Variants in UBE3A observed in about 807,000 individuals in gnomAD.
UBE3A encodes ubiquitin-protein ligase E3A.
A neutral mutation model predicts 83.4 loss-of-function variants in UBE3A; 6 were observed. The observed-to-expected ratio is 0.07, with a 90% CI of 0.04 to 0.14. The LOEUF (loss-of-function observed/expected upper bound fraction) is 0.14. Among genes scored for constraint, UBE3A ranks in the 10% least tolerant of loss-of-function variants. UBE3A has a pLI of 1.00. For synonymous variants in UBE3A, 337 were observed against 355.4 expected, an observed-to-expected ratio of 0.95 and a Z score of 0.58; for missense variants, 456 against 1,036.1, an observed-to-expected ratio of 0.44 and a Z score of 7.69.
At chr15:25,369,088 C>G (rs575609726) in intron 6 of UBE3A, among the ~76,000 whole-genome samples, 72 of 152,096 alleles carry the variant, frequency 4.7e-4, no homozygotes, top group Non-Finnish European at 7.9e-4. Flanking sequence ...TTTCATAAAA[C>G]ATCACTCACA....
At position 25,364,769 on chromosome 15, in the gene UBE3A, G is replaced by T. The variant is rs548514471; in HGVS notation, c.1609-4242C>A. On this transcript the variant is annotated intron_variant, in intron 6 of 12. Transcript: ENST00000648336. ...TGCCATTCTCCTGCCTCAGCCTCCC[G>T]AGTAGCTGGGACTACAGGCGCCTGC... Among the ~76,000 whole-genome samples, 28 of 150,606 alleles carry T rather than the reference G, an allele frequency of 1.9e-4. No homozygotes were observed. In the East Asian group the frequency reaches 5.5e-3, roughly 30 times the overall value.
rs955501667 is a variant in UBE3A, at chr15:25,338,921, T to C, written c.*216A>G. ...ATAATAATAATAAAGGATTTGTTCA[T>C]ATATGTAGCTGAAATCTGCTGTTCC... On this transcript the variant is annotated 3_prime_UTR_variant, in exon 13 of 13. Transcript: ENST00000648336. 1 of 314,254 alleles carries C rather than the reference T, an allele frequency of 3.2e-6. No homozygotes were observed. Among genetic ancestry groups the C allele is most frequent in the Admixed American group, 4.6e-5 (1 of 21,736 alleles). The allele number at this position is 314,254 out of a possible 1,614,324, so 19.5% of individuals were successfully genotyped here.
intron 4 of UBE3A, among the ~76,000 whole-genome samples, chr15:25,377,694 G>A (rs1471525910): frequency 2.0e-5 from 3 of 152,168 alleles, no homozygotes; most frequent in South Asian, 2.1e-4. Context: ...CACGAATACC[G>A]TGTGAATGAG....
chr15:25,395,932 C>T (rs776291177), intron 4 of UBE3A, among the ~76,000 whole-genome samples: 1 of 152,216 alleles, frequency 6.6e-6, no homozygotes, highest in East Asian at 1.9e-4. Context: ...TGGTTGGGTG[C>T]GGTGGCTCAA....
chr15:25,359,784 C>T (rs1028570588), intron 7 of UBE3A, among the ~76,000 whole-genome samples: 2 of 152,150 alleles, frequency 1.3e-5, no homozygotes, highest in African/African-American at 2.4e-5. Flanking sequence ...TCTGATCCTT[C>T]ACTTTCAAAT....
intron 1 of UBE3A, among the ~76,000 whole-genome samples, chr15:25,436,648 T>C (rs889044227): frequency 5.3e-5 from 8 of 152,182 alleles, no homozygotes; most frequent in African/African-American, 1.7e-4. Context: ...AAAGACACTG[T>C]AGGTACCCAA....
At chr15:25,412,879 C>A in intron 1 of UBE3A, 1 of 287,082 alleles carries the variant, frequency 3.5e-6, no homozygotes, top group Non-Finnish European at 6.9e-6. Context: ...TCTAAAAATG[C>A]AACTACTTGG....
chr15:25,340,280 G>C (rs2074524901), intron 11 of UBE3A, 52 bp from the exon 12 acceptor site: 2 of 1,569,744 alleles, frequency 1.3e-6, no homozygotes, highest in Non-Finnish European at 1.7e-6. Flanking sequence ...ATTATGACTG[G>C]TACTAACATA....
chr15:25,421,424 G>A (rs1039486183), intron 1 of UBE3A, among the ~76,000 whole-genome samples: 7 of 152,070 alleles, frequency 4.6e-5, no homozygotes, highest in African/African-American at 9.7e-5. Flanking sequence ...ATGGCCTAAC[G>A]CAAGGACATT....
At chr15:25,413,436 T>C (rs944737859) in intron 1 of UBE3A, among the ~76,000 whole-genome samples, 7 of 152,162 alleles carry the variant, frequency 4.6e-5, no homozygotes, top group African/African-American at 1.4e-4. Context: ...GTTTATGGTG[T>C]CTTATATTTA....
At chr15:25,351,040 T>C (rs1286359873) in intron 11 of UBE3A, among the ~76,000 whole-genome samples, 1 of 152,208 alleles carries the variant, frequency 6.6e-6, no homozygotes, top group Non-Finnish European at 1.5e-5. Flanking sequence ...GGTATTTCAC[T>C]GTATTCAAAT....
At chr15:25,368,342 T>C (rs1452280307) in intron 6 of UBE3A, among the ~76,000 whole-genome samples, 1 of 152,112 alleles carries the variant, frequency 6.6e-6, no homozygotes, top group Non-Finnish European at 1.5e-5. Context: ...ATAAGACCTA[T>C]TTCGATGCTG....
At chr15:25,408,581 T>C (rs779617836) in intron 3 of UBE3A, 8 of 1,613,226 alleles carry the variant, frequency 5.0e-6, no homozygotes, top group Non-Finnish European at 5.1e-6. Flanking sequence ...CTAATCTGAA[T>C]ACTGCAGCAT....
chr15:25,395,731 T>C (rs1343436839), intron 4 of UBE3A, among the ~76,000 whole-genome samples: 2 of 152,062 alleles, frequency 1.3e-5, no homozygotes, highest in African/African-American at 2.4e-5. Flanking sequence ...AATAGAAGAG[T>C]TGTCAATAGA....
In UBE3A at chr15:25,370,532, A is replaced by C. The variant is rs587782917; in HGVS notation, c.1608+34T>G. The C allele has an allele frequency of 6.2e-7, 1 of 1,613,036 alleles. No individual in the cohort carries two copies. The highest frequency in any genetic ancestry group is 1.7e-5 in the Admixed American group (1 of 60,004). Reference sequence around the variant, plus strand: ...CACTGAACTGTATCATGATATCCCCATTATTAGGTTTTTAATCTAGCAGCC... The same window carrying C: ...CACTGAACTGTATCATGATATCCCCCTTATTAGGTTTTTAATCTAGCAGCC... On this transcript the variant is annotated intron_variant, in intron 6 of 12. Coordinates refer to ENST00000648336, the MANE Select transcript of UBE3A (RefSeq NM_130839.5). This position sits in a 1 kb window ranked among gnomAD's most constrained non-coding sequence, Gnocchi z 4.2.
At chr15:25,423,883 T>G (rs112070435) in intron 1 of UBE3A, among the ~76,000 whole-genome samples, 2 of 152,290 alleles carry the variant, frequency 1.3e-5, no homozygotes, top group African/African-American at 4.8e-5. Flanking sequence ...TACCAAATCC[T>G]ATGGACTCTA....
At chr15:25,382,190 G>GGGCA (rs1175320869) in intron 4 of UBE3A, among the ~76,000 whole-genome samples, 1 of 152,016 alleles carries the variant, frequency 6.6e-6, no homozygotes, top group Non-Finnish European at 1.5e-5. Flanking sequence ...GCGCCGTGGT[G>GGGCA]GGCGCCTATA....
chr15:25,392,964 G>A (rs949356104), intron 4 of UBE3A, among the ~76,000 whole-genome samples: 3 of 152,144 alleles, frequency 2.0e-5, no homozygotes, highest in Non-Finnish European at 2.9e-5. Context: ...CACTTCAGGA[G>A]TGCAAATGCA....
chr15:25,371,883 CTAAAAG>C lies in UBE3A; in HGVS notation c.362-77_362-72del, dbSNP rs1373887540. 5.4e-6 allele frequency: 8 copies of C among 1,468,060 alleles called. No homozygotes were observed. Among genetic ancestry groups the C allele is most frequent in the East Asian group, 2.4e-5 (1 of 42,198 alleles). The allele number at this position is 1,468,060 out of a possible 1,614,324, so 90.9% of individuals were successfully genotyped here. The stretch of plus-strand genomic sequence containing the variant: ...TATGTTTACTCTGTTGCAAAAAGTT[CTAAAAG>C]TAAAACAGCCAAACATTCTAGGCTC... On this transcript the variant is annotated intron_variant, in intron 5 of 12. Transcript: ENST00000648336. The surrounding 1 kb of genome is among the most constrained non-coding windows in gnomAD (Gnocchi z 5.3).
Sources: gnomAD v4.1 joint callset for allele counts (sites outside exome capture counted in the v4.1 genomes callset) on GRCh38, gnomAD v4.1.1 for gene constraint, Gnocchi (gnomAD v3.1) non-coding constraint, MANE v1.5 for transcripts, NCBI Gene and HGNC (gene_info 2026-07-23, HGNC 2026-07-21) for gene names.